Variants in KLF8 observed in about 807,000 individuals in gnomAD.
KLF8 encodes Krueppel-like factor 8.
KLF8 carries 10 observed loss-of-function variants against 18.2 expected under a neutral mutation model. The observed-to-expected ratio is 0.55, with a 90% CI of 0.34 to 0.93. KLF8 has a LOEUF of 0.93. Ranked by LOEUF, KLF8 falls within the 40% of genes least tolerant of loss-of-function variation. The pLI is 0.02. For synonymous variants in KLF8, 109 were observed against 97.3 expected, an observed-to-expected ratio of 1.12 and a Z score of -0.71; for missense variants, 264 against 277.9, an observed-to-expected ratio of 0.95 and a Z score of 0.36.
At chrX:55,996,710 C>A in the KLF8 span, among the ~76,000 whole-genome samples, 1 of 111,658 alleles carries the variant, frequency 9.0e-6, no homozygotes, top group East Asian at 2.8e-4. Flanking sequence ...TTCTCTGGCC[C>A]CTACAGGTTG....
the KLF8 span, among the ~76,000 whole-genome samples, chrX:56,097,810 T>A: frequency 1.9e-5 from 2 of 107,027 alleles, no homozygotes; most frequent in Non-Finnish European, 1.9e-5. Flanking sequence ...GTTAAATTGA[T>A]AAAAGTGGAT....
the KLF8 span, among the ~76,000 whole-genome samples, chrX:56,143,898 T>A: frequency 8.9e-6 from 1 of 112,071 alleles, no homozygotes; most frequent in Non-Finnish European, 1.9e-5. Flanking sequence ...ATCCACGGGG[T>A]GAAATCTATC....
At chrX:56,212,438 A>G in the KLF8 span, among the ~76,000 whole-genome samples, 1 of 112,359 alleles carries the variant, frequency 8.9e-6, no homozygotes. Context: ...AAGTTTACTT[A>G]GAAACCTAGA....
chrX:56,041,142 G>A, the KLF8 span, among the ~76,000 whole-genome samples: 1 of 108,301 alleles, frequency 9.2e-6, no homozygotes, highest in Non-Finnish European at 1.9e-5. Context: ...TTTCTTTTTT[G>A]GAGACTCTTT....
At chrX:56,108,273 T>C in the KLF8 span, among the ~76,000 whole-genome samples, 1 of 112,156 alleles carries the variant, frequency 8.9e-6, no homozygotes, top group South Asian at 3.8e-4. Flanking sequence ...CATCCTTTTC[T>C]TATTTCTGAT....
chrX:55,932,448 A>C, the KLF8 span, among the ~76,000 whole-genome samples: 1 of 111,065 alleles, frequency 9.0e-6, no homozygotes, highest in Non-Finnish European at 1.9e-5. Flanking sequence ...TAGTTGATGC[A>C]TTTTCTTCAT....
intron 3 of KLF8, chrX:56,267,397 C>T (rs752709048): frequency 4.1e-4 from 53 of 128,789 alleles, no homozygotes; most frequent in African/African-American, 1.6e-3. Flanking sequence ...GAAAGAATAG[C>T]GGAAAGCCCT....
At chrX:56,191,826 C>T in the KLF8 span, among the ~76,000 whole-genome samples, 2 of 110,151 alleles carry the variant, frequency 1.8e-5, no homozygotes, top group Non-Finnish European at 3.8e-5. Flanking sequence ...TAGAATATAC[C>T]TCCGACTAAT....
chrX:56,196,261 G>GC, the KLF8 span, among the ~76,000 whole-genome samples: 12 of 111,264 alleles, frequency 1.1e-4, no homozygotes, highest in African/African-American at 3.6e-4. Flanking sequence ...TGGGCTAAAT[G>GC]CCCCAATTAA....
At chrX:56,127,398 G>A in the KLF8 span, among the ~76,000 whole-genome samples, 8 of 111,588 alleles carry the variant, frequency 7.2e-5, no homozygotes, top group East Asian at 2.8e-4. Context: ...GCCAATCACA[G>A]TCGCTTATGC....
At chrX:56,003,657 C>T in the KLF8 span, among the ~76,000 whole-genome samples, 1 of 111,469 alleles carries the variant, frequency 9.0e-6, no homozygotes, top group Non-Finnish European at 1.9e-5. Flanking sequence ...TTGAAAAATT[C>T]CTGGGCAAGG....
the KLF8 span, among the ~76,000 whole-genome samples, chrX:55,941,960 G>A: frequency 1.8e-5 from 2 of 111,468 alleles, no homozygotes; most frequent in Admixed American, 1.9e-4. Flanking sequence ...TCAGTGTGGC[G>A]ATTCTTCAGG....
chrX:55,965,538 A>G, the KLF8 span, among the ~76,000 whole-genome samples: 1 of 111,734 alleles, frequency 8.9e-6, no homozygotes, highest in African/African-American at 3.3e-5. Flanking sequence ...TAACCTGAAC[A>G]ATCAGGCAAG....
chrX:56,046,607 G>GAA, the KLF8 span, among the ~76,000 whole-genome samples: 696 of 103,165 alleles, frequency 6.7e-3, 6 homozygotes, highest in South Asian at 0.071. Flanking sequence ...TGTTTTTCTG[G>GAA]AAAAAAAAAA....
chrX:56,110,054 C>T, the KLF8 span, among the ~76,000 whole-genome samples: 1 of 111,085 alleles, frequency 9.0e-6, no homozygotes. Flanking sequence ...TCTGTTTCTG[C>T]GTGAGTTTGC....
chrX:55,929,330 T>C, the KLF8 span, among the ~76,000 whole-genome samples: 7 of 112,399 alleles, frequency 6.2e-5, no homozygotes, highest in Non-Finnish European at 1.1e-4. Context: ...CTGTTCACTC[T>C]GATGATAGTT....
At chrX:55,983,533 C>T in the KLF8 span, among the ~76,000 whole-genome samples, 2 of 111,991 alleles carry the variant, frequency 1.8e-5, no homozygotes, top group African/African-American at 3.2e-5. Context: ...TACTGCTCTA[C>T]TCCATGTCAT....
At chrX:56,252,581 C>T (rs1419554583) in intron 2 of KLF8, among the ~76,000 whole-genome samples, 1 of 112,143 alleles carries the variant, frequency 8.9e-6, no homozygotes, top group East Asian at 2.8e-4. Context: ...AATAGTACTC[C>T]ATTGTGTATC....
Position 56,284,477 on chromosome X carries a change from C to T in KLF8, c.1063C>T (p.Arg355Cys). The change falls in exon 6 of 6, where the codon CGC (arginine) becomes TGC (cysteine). Residue 355 changes from arginine (R) to cysteine (C), a missense_variant. Physicochemically the swap from Arg to Cys is radical, Grantham distance 180. Around this residue, in one of 2 missense-constraint regions of KLF8, gnomAD observed 43 missense variants for 84.3 expected, o/e 0.51. Transcript: ENST00000468660. ...RSDHLSLHRR[R>C]HDTM Reference sequence around the variant, plus strand: ...TGACCACCTGTCCCTGCATCGCCGTCGCCATGACACCATGTGAGCCGCACA... The same window carrying T: ...TGACCACCTGTCCCTGCATCGCCGTTGCCATGACACCATGTGAGCCGCACA... 8.4e-7 allele frequency: 1 copy of T among 1,195,307 alleles called. No individual in the cohort carries two copies. The highest frequency in any genetic ancestry group is 3.0e-5 in the East Asian group (1 of 33,484).
Sources: allele counts gnomAD v4.1 joint callset (sites outside exome capture counted in the v4.1 genomes callset), GRCh38; gene constraint gnomAD v4.1.1; regional missense constraint gnomAD v4.1.1; transcripts MANE v1.5; gene names NCBI Gene and HGNC (gene_info 2026-07-23, HGNC 2026-07-21).